NEURL3: variants seen among roughly 807,000 people sequenced by gnomAD.
The protein encoded by NEURL3 is neuralized E3 ubiquitin protein ligase 3.
Under a neutral mutation model 17.6 loss-of-function variants are expected in NEURL3, and 19 were observed. That is an observed-to-expected ratio of 1.08 (90% CI 0.75 to 1.58). The LOEUF is 1.58. Ranked by LOEUF, NEURL3 falls within the 40% of genes most tolerant of loss-of-function variation. The probability of loss-of-function intolerance (pLI) is 0.00; values close to 1 mark genes in which losing one functional copy is unlikely to be tolerated. For missense variants in NEURL3, 342 were observed against 379.6 expected, an observed-to-expected ratio of 0.90 and a Z score of 0.82; for synonymous variants, 180 against 161.4, an observed-to-expected ratio of 1.11 and a Z score of -0.87.
chr2:96,502,767 C>T (rs1182944963), intron 1 of NEURL3, among the ~76,000 whole-genome samples: 4 of 152,214 alleles, frequency 2.6e-5, no homozygotes, highest in East Asian at 1.9e-4. Flanking sequence ...AGATGGTGGC[C>T]GGCATCCGAG....
chr2:96,499,640 A>T (rs1368263035), intron 2 of NEURL3, among the ~76,000 whole-genome samples, 191 bp from the exon 3 acceptor site: 1 of 152,094 alleles, frequency 6.6e-6, no homozygotes, highest in Non-Finnish European at 1.5e-5. Flanking sequence ...GAATCCGAGA[A>T]TCCTTGGGGC....
At chr2:96,499,740 C>T (rs555832099) in intron 2 of NEURL3, among the ~76,000 whole-genome samples, 10 of 152,296 alleles carry the variant, frequency 6.6e-5, no homozygotes, top group African/African-American at 2.4e-4. Context: ...GGCCGAGCCA[C>T]ATTCCCAACC....
At chr2:96,504,157 G>A (rs1301003976) in intron 1 of NEURL3, among the ~76,000 whole-genome samples, 1 of 152,180 alleles carries the variant, frequency 6.6e-6, no homozygotes, top group Non-Finnish European at 1.5e-5. Context: ...GGGCAGGGGC[G>A]GCCCCTTGCT....
At chr2:96,499,675 C>A (rs919964137) in intron 2 of NEURL3, among the ~76,000 whole-genome samples, 2 of 152,142 alleles carry the variant, frequency 1.3e-5, no homozygotes, top group African/African-American at 4.8e-5. Context: ...CCTGAGCCAC[C>A]TTCCTTCAGG....
In NEURL3 at chr2:96,500,769, C is replaced by T; in HGVS notation, c.184G>A (p.Ala62Thr). 2.0e-6 allele frequency: 3 copies of T among 1,526,386 alleles called. No individual in the cohort carries two copies. The highest frequency in any genetic ancestry group is 2.6e-6 in the Non-Finnish European group (3 of 1,142,366). The allele number at this position is 1,526,386 out of a possible 1,614,324, so 94.6% of individuals were successfully genotyped here. A position where few individuals can be genotyped will look rare whatever the true frequency, so the allele number is the denominator to read the frequency against. ...CTCTCCTCCCGCAGCACTCGCAGCG[C>T]CACACGCTCGCCCAGGCGCACCGGC... The part of the protein sequence containing the change: ...QRPVRLGERV[A>T]LRVLREESGW... Residue 62 changes from alanine (A) to threonine (T), a missense_variant, in exon 2 of 4, where the codon GCG (alanine) becomes ACG (threonine). Ala to Thr is a moderately conservative substitution (Grantham distance 58). Transcript: ENST00000451794.
upstream of NEURL3, among the ~76,000 whole-genome samples, chr2:96,506,944 G>A (rs1028507910): frequency 2.0e-5 from 3 of 152,256 alleles, no homozygotes; most frequent in Admixed American, 6.5e-5. Context: ...AAAGCCTCCC[G>A]TCCAGGGTAC....
intron 1 of NEURL3, among the ~76,000 whole-genome samples, chr2:96,502,608 T>C (rs2065520733): frequency 6.6e-6 from 1 of 152,244 alleles, no homozygotes; most frequent in African/African-American, 2.4e-5. Context: ...AAGTGGGGCC[T>C]CTTGGCACAA....
rs1157285400 is a variant in NEURL3 at position 96,504,877 on chromosome 2, C to CAAAAA, written c.28+377_28+381dup. Among the ~76,000 whole-genome samples the CAAAAA allele has an allele frequency of 5.4e-4, 30 of 55,280 alleles. 2 individuals carry two copies. Among genetic ancestry groups the CAAAAA allele is most frequent in the East Asian group, 3.9e-3 (5 of 1,286 alleles). 36.3% of individuals were successfully genotyped at this position (55,280 alleles called of 152,430 possible). A position where few individuals can be genotyped will look rare whatever the true frequency, so the allele number is the denominator to read the frequency against. On this transcript the variant is annotated intron_variant, in intron 1 of 3. Transcript: ENST00000451794. ...TGGGCAACAGAGCGAGACTCCGTCT[C>CAAAAA]AAAAAAAAAAAAAAAAAAAAAAAGA...
chr2:96,499,308 G>C, intron 3 of NEURL3, 70 bp downstream of exon 3: 1 of 1,582,090 alleles, frequency 6.3e-7, no homozygotes, highest in Non-Finnish European at 8.6e-7. Context: ...CCAGTAGGAC[G>C]TGGGGCTTCT....
At chr2:96,505,401 G>C, upstream of NEURL3, 1 of 971,102 alleles carries the variant, frequency 1.0e-6, no homozygotes. Context: ...CAGAGATCAC[G>C]TTACAAAGTT....
chr2:96,498,322 G>A lies in NEURL3; in HGVS notation c.711C>T (p.Cys237=). 6.3e-7 allele frequency: 1 copy of A among 1,597,750 alleles called. No individual in the cohort carries two copies. Among genetic ancestry groups the A allele is most frequent in the Non-Finnish European group, 8.5e-7 (1 of 1,179,196 alleles). ...AWRVFSDTAK[C]PVCRWQIEAV... ...CCTCTATCTGCCAGCGGCACACAGG[G>A]CACTTGGCCGTATCGCTGAAGACCC... Residue 237 remains cysteine, a synonymous_variant, in exon 4 of 4, where the codon TGC becomes TGT. Transcript: ENST00000451794. This position sits in a 1 kb window ranked among gnomAD's most constrained non-coding sequence, Gnocchi z 4.4.
chr2:96,502,227 C>A (rs1049206611), intron 1 of NEURL3, among the ~76,000 whole-genome samples: 1 of 152,212 alleles, frequency 6.6e-6, no homozygotes, highest in African/African-American at 2.4e-5. Context: ...TCCCTTCCTG[C>A]GAATCCCAGC....
Position 96,498,137 on chromosome 2 carries a change from T to C in NEURL3, c.*107A>G. On this transcript the variant is annotated 3_prime_UTR_variant, in exon 4 of 4. Transcript: ENST00000451794. This position sits in a 1 kb window ranked among gnomAD's most constrained non-coding sequence, Gnocchi z 4.4. ...CTGCCGCACCTCTTGCTAATCAGCC[T>C]TTCTGACTCTTCCCCAGAAAGAAGG... 4.1e-6 allele frequency: 5 copies of C among 1,215,272 alleles called. No individual in the cohort carries two copies. The highest frequency in any genetic ancestry group is 5.6e-6 in the Non-Finnish European group (5 of 897,972). The allele number at this position is 1,215,272 out of a possible 1,614,324, so 75.3% of individuals were successfully genotyped here.
In NEURL3 at chr2:96,498,333, T is replaced by C; in HGVS notation, c.700A>G (p.Thr234Ala). The C allele has an allele frequency of 2.5e-6, 4 of 1,598,656 alleles. No homozygotes were observed. The highest frequency in any genetic ancestry group is 3.4e-6 in the Non-Finnish European group (4 of 1,179,558). ...RYCAWRVFSD[T>A]AKCPVCRWQI... ...CAGCGGCACACAGGGCACTTGGCCG[T>C]ATCGCTGAAGACCCGCCAGGCACAG... Residue 234 changes from threonine (T) to alanine (A), a missense_variant, in exon 4 of 4, where the codon ACG (threonine) becomes GCG (alanine). Coordinates refer to ENST00000451794, the MANE Select transcript of NEURL3 (RefSeq NM_001285485.2). The surrounding 1 kb of genome is among the most constrained non-coding windows in gnomAD (Gnocchi z 4.4).
intron 1 of NEURL3, 73 bp from the exon 2 acceptor site, chr2:96,500,997 A>G: frequency 7.0e-7 from 1 of 1,421,496 alleles, no homozygotes; most frequent in Non-Finnish European, 9.1e-7. Flanking sequence ...AGCCCCCAGT[A>G]TCCCAGAGTC....
Position 96,498,084 on chromosome 2 carries a change from C to G in NEURL3, c.*160G>C. 1.4e-6 allele frequency: 1 copy of G among 696,796 alleles called. No homozygotes were observed. Among genetic ancestry groups the G allele is most frequent in the Non-Finnish European group, 2.3e-6 (1 of 429,262 alleles). The allele number at this position is 696,796 out of a possible 1,614,324, so 43.2% of individuals were successfully genotyped here. Reference sequence around the variant, plus strand: ...CCTGTTGGGGAACAGGTGGAGGCAGCAGACAGCACCTCCCTGCCTTCCTCT... The same window carrying G: ...CCTGTTGGGGAACAGGTGGAGGCAGGAGACAGCACCTCCCTGCCTTCCTCT... On this transcript the variant is annotated 3_prime_UTR_variant, in exon 4 of 4. Transcript: ENST00000451794. This position sits in a 1 kb window ranked among gnomAD's most constrained non-coding sequence, Gnocchi z 4.4.
In NEURL3 at chr2:96,498,913, G is replaced by A. The variant is rs1156325058; in HGVS notation, c.586+465C>T. ...CCACCTCAGCCTCCCGAGTAGCTGG[G>A]GCCACAGACATGCACCACCACACTC... On this transcript the variant is annotated intron_variant, in intron 3 of 3. Transcript: ENST00000451794. The surrounding 1 kb of genome is among the most constrained non-coding windows in gnomAD (Gnocchi z 4.4). 2.0e-5 allele frequency among the ~76,000 whole-genome samples: 3 copies of A among 152,102 alleles called. No individual in the cohort carries two copies. The highest frequency in any genetic ancestry group is 7.2e-5 in the African/African-American group (3 of 41,414).
At position 96,500,462 on chromosome 2, in the gene NEURL3, G is replaced by A. The variant is rs2065491251; in HGVS notation, c.491C>T (p.Thr164Ile). The change falls in exon 2 of 4, where the codon ACC (threonine) becomes ATC (isoleucine). Residue 164 changes from threonine to isoleucine, a missense_variant. Transcript: ENST00000451794. ...ACCCAGCAGCTCGATGGCCTTAGTG[G>A]TCCCATACACGTCCATCACGGCCCA... Reference protein sequence around the residue: ...PLWAVMDVYGTTKAIELLDPT... With the variant: ...PLWAVMDVYGITKAIELLDPT... 3 of 1,597,394 alleles carry A rather than the reference G, an allele frequency of 1.9e-6. No homozygotes were observed. The highest frequency in any genetic ancestry group is 2.7e-5 in the African/African-American group (2 of 75,028).
rs1558598149 is a variant in NEURL3 at position 96,498,330 on chromosome 2, CCGTATCG to C, written c.696_702del (p.Ser232ArgfsTer11). 6.3e-7 allele frequency: 1 copy of C among 1,597,886 alleles called. No individual in the cohort carries two copies. The highest frequency in any genetic ancestry group is 1.7e-5 in the Admixed American group (1 of 59,786). On this transcript the variant is annotated frameshift_variant, in exon 4 of 4. Transcript: ENST00000451794. LOFTEE classifies it low-confidence loss of function (END_TRUNC). This position sits in a 1 kb window ranked among gnomAD's most constrained non-coding sequence, Gnocchi z 4.4. ...TGCCAGCGGCACACAGGGCACTTGGCCGTATCGCTGAAGACCCGCCAGGCACAGTATC... is the reference window on the plus strand; with the variant it reads ...TGCCAGCGGCACACAGGGCACTTGGCCTGAAGACCCGCCAGGCACAGTATC...
Sources: allele counts gnomAD v4.1 joint callset (sites outside exome capture counted in the v4.1 genomes callset), GRCh38; gene constraint gnomAD v4.1.1; non-coding constraint Gnocchi (gnomAD v3.1); transcripts MANE v1.5; gene names NCBI Gene and HGNC (gene_info 2026-07-23, HGNC 2026-07-21).